The following PCDHGB3 variants were observed in gnomAD, a reference collection of about 807,000 sequenced individuals.
PCDHGB3 encodes the protein protocadherin gamma subfamily B, 3.
In PCDHGB3, 40 loss-of-function variants were observed where a neutral mutation model predicts 59.2. That is an observed-to-expected ratio of 0.68 (90% CI 0.52 to 0.88). The LOEUF (loss-of-function observed/expected upper bound fraction) is 0.88. Among genes scored for constraint, PCDHGB3 ranks in the 40% least tolerant of loss-of-function variants. The pLI, the probability that PCDHGB3 is intolerant of heterozygous loss-of-function variation, is 0.00. For synonymous variants in PCDHGB3, 581 were observed against 503.6 expected, an observed-to-expected ratio of 1.15 and a Z score of -2.06; for missense variants, 1,309 against 1,187.9, an observed-to-expected ratio of 1.10 and a Z score of -1.50.
Position 141,476,176 on chromosome 5 carries a change from G to C in PCDHGB3, c.2416-18631G>C, listed in dbSNP as rs778169270. 1 of 1,613,530 alleles carries C rather than the reference G, an allele frequency of 6.2e-7. No homozygotes were observed. The highest frequency in any genetic ancestry group is 8.5e-7 in the Non-Finnish European group (1 of 1,180,006). On this transcript the variant is annotated intron_variant, in intron 1 of 3. Transcript: ENST00000576222. The surrounding 1 kb of genome is among the most constrained non-coding windows in gnomAD (Gnocchi z 7.6). ...GCACCGGGAGGGTAGTGGGAGTTTT[G>C]CTTCTGCTTGGTGCCTTGAACAAGG...
intron 1 of PCDHGB3, chr5:141,478,798 T>G: frequency 6.8e-7 from 1 of 1,463,780 alleles, no homozygotes. Flanking sequence ...TCCTCAGCAC[T>G]CTTTTGCTAT....
In PCDHGB3 at chr5:141,477,085, G is replaced by A. The variant is rs1420972762; in HGVS notation, c.2416-17722G>A. On this transcript the variant is annotated intron_variant, in intron 1 of 3. Coordinates refer to ENST00000576222, the MANE Select transcript of PCDHGB3 (RefSeq NM_018924.5). This position sits in a 1 kb window ranked among gnomAD's most constrained non-coding sequence, Gnocchi z 4.9. ...CCAAACTCCATGAGATTTACATCCAGGCCAAAGACAAGGGCGCCAATCCCG... is the reference window on the plus strand; with the variant it reads ...CCAAACTCCATGAGATTTACATCCAAGCCAAAGACAAGGGCGCCAATCCCG... 1 of 1,614,262 alleles carries A rather than the reference G, an allele frequency of 6.2e-7. No individual in the cohort carries two copies. The highest frequency in any genetic ancestry group is 1.7e-5 in the Admixed American group (1 of 60,034).
At chr5:141,474,016 G>A (rs1286684019) in intron 1 of PCDHGB3, among the ~76,000 whole-genome samples, 1 of 152,128 alleles carries the variant, frequency 6.6e-6, no homozygotes, top group Non-Finnish European at 1.5e-5. Context: ...GTTACAGTGA[G>A]CTATGATTAT....
At chr5:141,421,934 T>C (rs1478005202) in intron 1 of PCDHGB3, 1 of 1,613,548 alleles carries the variant, frequency 6.2e-7, no homozygotes, top group Admixed American at 1.7e-5. Context: ...GTCCTCGATG[T>C]AAATGATCAC....
intron 1 of PCDHGB3, chr5:141,388,296 T>G: frequency 1.2e-6 from 2 of 1,613,704 alleles, no homozygotes; most frequent in Non-Finnish European, 1.7e-6. Flanking sequence ...GCAAAATTCC[T>G]TTGAGCTGCA....
At position 141,490,551 on chromosome 5, in the gene PCDHGB3, T is replaced by C; in HGVS notation, c.2416-4256T>C. On this transcript the variant is annotated intron_variant, in intron 1 of 3. Coordinates refer to ENST00000576222, the MANE Select transcript of PCDHGB3 (RefSeq NM_018924.5). The surrounding 1 kb of genome is among the most constrained non-coding windows in gnomAD (Gnocchi z 5.4). ...CTGGTTCACCTTCCCTACACAAACA[T>C]CTCACCATCAGGCTCAACATTTCAG... 1 of 1,614,088 alleles carries C rather than the reference T, an allele frequency of 6.2e-7. No individual in the cohort carries two copies. The highest frequency in any genetic ancestry group is 1.1e-5 in the South Asian group (1 of 91,086).
At position 141,370,514 on chromosome 5, in the gene PCDHGB3, G is replaced by T. The variant is rs1295709231; in HGVS notation, c.120G>T (p.Glu40Asp). 3 of 1,613,776 alleles carry T rather than the reference G, an allele frequency of 1.9e-6. No individual in the cohort carries two copies. The African/African-American group carries it at 4.0e-5, about 22-fold the overall frequency. Residue 40 changes from glutamate (E) to aspartate (D), a missense_variant, in exon 1 of 4, where the codon GAG becomes GAT. By Grantham distance (45) the Glu-to-Asp change is conservative (BLOSUM62 2). Coordinates refer to ENST00000576222, the MANE Select transcript of PCDHGB3 (RefSeq NM_018924.5). ...CGATCCGCTACGCTATTCCCGAGGAGCTGGACAGGGGCTCGCTGGTAGGGA... is the reference window on the plus strand; with the variant it reads ...CGATCCGCTACGCTATTCCCGAGGATCTGGACAGGGGCTCGCTGGTAGGGA... The part of the protein sequence containing the change: ...SEPIRYAIPE[E>D]LDRGSLVGNL...
At position 141,486,709 on chromosome 5, in the gene PCDHGB3, C is replaced by T; in HGVS notation, c.2416-8098C>T. 6.2e-7 allele frequency: 1 copy of T among 1,614,182 alleles called. No individual in the cohort carries two copies. ...CTTCCTCTTTCATCTCTCTGAACCC[C>T]CAGACAGGAGCTGTTCATGCTACTC... On this transcript the variant is annotated intron_variant, in intron 1 of 3. Coordinates refer to ENST00000576222, the MANE Select transcript of PCDHGB3 (RefSeq NM_018924.5). This position sits in a 1 kb window ranked among gnomAD's most constrained non-coding sequence, Gnocchi z 5.0.
intron 1 of PCDHGB3, among the ~76,000 whole-genome samples, chr5:141,469,102 A>G (rs1423904196): frequency 6.6e-6 from 1 of 151,626 alleles, no homozygotes; most frequent in East Asian, 1.9e-4. Flanking sequence ...CAAAGCAAGA[A>G]CCTGTCTCTA....
At chr5:141,408,910 T>A in intron 1 of PCDHGB3, 1 of 1,613,256 alleles carries the variant, frequency 6.2e-7, no homozygotes, top group Non-Finnish European at 8.5e-7. Flanking sequence ...AGGATACCAA[T>A]GATAACCCCC....
rs770759647 is a variant in PCDHGB3 at position 141,393,173 on chromosome 5, A to C, written c.2415+20364A>C. 38 of 1,613,150 alleles carry C rather than the reference A, an allele frequency of 2.4e-5. No homozygotes were observed. Among genetic ancestry groups the C allele is most frequent in the Non-Finnish European group, 3.2e-5 (38 of 1,179,886 alleles). ...ATAAAGGAAAACTCTTTGGGGTAGA[A>C]ATAGAAATAATTGATATTAACGATA... On this transcript the variant is annotated intron_variant, in intron 1 of 3. Coordinates refer to ENST00000576222, the MANE Select transcript of PCDHGB3 (RefSeq NM_018924.5).
At chr5:141,374,816 C>A (rs771806207) in intron 1 of PCDHGB3, 1 of 1,613,964 alleles carries the variant, frequency 6.2e-7, no homozygotes, top group Non-Finnish European at 8.5e-7. Context: ...GTTTACTCAG[C>A]CTGTCTACCG....
chr5:141,414,870 G>A (rs1325555474), intron 1 of PCDHGB3: 1 of 1,614,224 alleles, frequency 6.2e-7, no homozygotes, highest in Non-Finnish European at 8.5e-7. Context: ...ATGCGCCCGA[G>A]ATCCTGTACC....
rs200045647 is a variant in PCDHGB3, at chr5:141,490,150, G to A, written c.2416-4657G>A. 50 of 1,614,246 alleles carry A rather than the reference G, an allele frequency of 3.1e-5. No individual in the cohort carries two copies. The Admixed American group carries it at 7.7e-4, about 25-fold the overall frequency. On this transcript the variant is annotated intron_variant, in intron 1 of 3. Transcript: ENST00000576222. The surrounding 1 kb of genome is among the most constrained non-coding windows in gnomAD (Gnocchi z 5.4). ...AGACCCTAGCAGTGGGGCAATCCAT[G>A]TGTTGGGTCCCATAGACTTTGAGGA...
At position 141,389,262 on chromosome 5, in the gene PCDHGB3, G is replaced by A. The variant is rs1017721134; in HGVS notation, c.2415+16453G>A. On this transcript the variant is annotated intron_variant, in intron 1 of 3. Coordinates refer to ENST00000576222, the MANE Select transcript of PCDHGB3 (RefSeq NM_018924.5). Reference sequence around the variant, plus strand: ...ACAGTCTTCCTATATAGTCCACGTGGCCGAGAACAACCCGCCTGGAGCCTC... The same window carrying A: ...ACAGTCTTCCTATATAGTCCACGTGACCGAGAACAACCCGCCTGGAGCCTC... 5 of 1,613,910 alleles carry A rather than the reference G, an allele frequency of 3.1e-6. No individual in the cohort carries two copies. The highest frequency in any genetic ancestry group is 1.3e-5 in the African/African-American group (1 of 74,940).
At chr5:141,464,116 T>A (rs1195883274) in intron 1 of PCDHGB3, among the ~76,000 whole-genome samples, 1 of 151,922 alleles carries the variant, frequency 6.6e-6, no homozygotes, top group African/African-American at 2.4e-5. Context: ...AATACAAAAA[T>A]TAGCTGGGTG....
chr5:141,477,634 G>C lies in PCDHGB3; in HGVS notation c.2416-17173G>C. 2 of 1,614,176 alleles carry C rather than the reference G, an allele frequency of 1.2e-6. No individual in the cohort carries two copies. Among genetic ancestry groups the C allele is most frequent in the Non-Finnish European group, 1.7e-6 (2 of 1,180,034 alleles). On this transcript the variant is annotated intron_variant, in intron 1 of 3. Transcript: ENST00000576222. This position sits in a 1 kb window ranked among gnomAD's most constrained non-coding sequence, Gnocchi z 4.9. Reference sequence around the variant, plus strand: ...AGCAAGGAGCTGAAACCGGGCTAGTGGGTCGCTATTTCACAATAAATCGTG... The same window carrying C: ...AGCAAGGAGCTGAAACCGGGCTAGTCGGTCGCTATTTCACAATAAATCGTG...
chr5:141,449,930 A>G (rs1353778264), intron 1 of PCDHGB3, among the ~76,000 whole-genome samples: 1 of 151,614 alleles, frequency 6.6e-6, no homozygotes, highest in East Asian at 1.9e-4. Context: ...ACCATACCTT[A>G]TAGTATATTT....
At chr5:141,419,652 CG>C (rs767047378) in intron 1 of PCDHGB3, 3 of 1,612,590 alleles carry the variant, frequency 1.9e-6, no homozygotes, top group Non-Finnish European at 1.7e-6. Context: ...GACGCGGACT[CG>C]GGGCACAATG....
Sources: gnomAD v4.1 joint callset for allele counts (sites outside exome capture counted in the v4.1 genomes callset) on GRCh38, gnomAD v4.1.1 for gene constraint, Gnocchi (gnomAD v3.1) non-coding constraint, MANE v1.5 for transcripts, NCBI Gene and HGNC (gene_info 2026-07-23, HGNC 2026-07-21) for gene names.